ATP6V0D2: variants seen among roughly 807,000 people sequenced by gnomAD.
ATP6V0D2 encodes V-type proton ATPase subunit d 2.
In ATP6V0D2, 40 loss-of-function variants were observed where a neutral mutation model predicts 40.0. The observed-to-expected ratio is 1.00, with a 90% CI of 0.78 to 1.30. The LOEUF is 1.30. ATP6V0D2 is among the 50% of genes most tolerant of loss of function. The pLI is 0.00. For missense variants in ATP6V0D2, 470 were observed against 423.1 expected (o/e 1.11, Z -0.97); for synonymous variants, 179 against 156.3 (o/e 1.15, Z -1.08).
At chr8:86,124,962 C>A (rs1315258269) in intron 2 of ATP6V0D2, among the ~76,000 whole-genome samples, 2 of 152,140 alleles carry the variant, frequency 1.3e-5, no homozygotes, top group African/African-American at 4.8e-5. Context: ...GTATAATGTT[C>A]ACCTGTGTGA....
intron 2 of ATP6V0D2, among the ~76,000 whole-genome samples, chr8:86,115,835 CA>C (rs1370319778): frequency 6.6e-6 from 1 of 152,120 alleles, no homozygotes; most frequent in African/African-American, 2.4e-5. Flanking sequence ...AATAATATGT[CA>C]GTCAGAAAGA....
chr8:86,103,891 T>G (rs1042397026), intron 1 of ATP6V0D2, among the ~76,000 whole-genome samples: 1 of 152,132 alleles, frequency 6.6e-6, no homozygotes, highest in African/African-American at 2.4e-5. Flanking sequence ...AATGGCACAA[T>G]CTCGGCTCAC....
At chr8:86,102,113 G>A (rs2071893665) in intron 1 of ATP6V0D2, among the ~76,000 whole-genome samples, 1 of 152,156 alleles carries the variant, frequency 6.6e-6, no homozygotes, top group Admixed American at 6.6e-5. Flanking sequence ...ACAAAAATAT[G>A]CCATTGCCTC....
chr8:86,099,986 C>T (rs1000126912), intron 1 of ATP6V0D2, among the ~76,000 whole-genome samples: 17 of 151,702 alleles, frequency 1.1e-4, no homozygotes, highest in Non-Finnish European at 2.2e-4. Context: ...TATTCTATCA[C>T]ATTTCTCAGT....
chr8:86,136,820 C>T (rs1367930977), intron 2 of ATP6V0D2, among the ~76,000 whole-genome samples: 1 of 152,124 alleles, frequency 6.6e-6, no homozygotes, highest in Non-Finnish European at 1.5e-5. Flanking sequence ...AATTTTCATC[C>T]AGTAAAAAGG....
chr8:86,146,885 A>G (rs1031544686), intron 5 of ATP6V0D2, among the ~76,000 whole-genome samples: 2 of 152,126 alleles, frequency 1.3e-5, no homozygotes, highest in Non-Finnish European at 2.9e-5. Flanking sequence ...TATAGGTTCC[A>G]TGTATATTCT....
intron 2 of ATP6V0D2, among the ~76,000 whole-genome samples, chr8:86,126,262 A>ATATATATATATATATATT (rs1191399026): frequency 6.1e-5 from 8 of 131,334 alleles, no homozygotes; most frequent in African/African-American, 1.9e-4. Flanking sequence ...ATATATATAT[A>ATATATATATATATATATT]TCTTTTTGTA....
rs535120852 is a variant in ATP6V0D2, at chr8:86,107,591, G to A, written c.131-6118G>A. Among the ~76,000 whole-genome samples, 62 of 152,250 alleles carry A rather than the reference G, an allele frequency of 4.1e-4. No individual in the cohort carries two copies. The South Asian group carries it at 5.0e-3, about 12-fold the overall frequency. On this transcript the variant is annotated intron_variant, in intron 1 of 7. Transcript: ENST00000285393. ...AAAACCATTCTGGCAATGGTAAAACGCTCTACAAATTTTATAAAAGTTGTT... is the reference window on the plus strand; with the variant it reads ...AAAACCATTCTGGCAATGGTAAAACACTCTACAAATTTTATAAAAGTTGTT...
At position 86,150,135 on chromosome 8, in the gene ATP6V0D2, TA is replaced by T; in HGVS notation, c.664del (p.Ile222SerfsTer11). On this transcript the variant is annotated frameshift_variant, in exon 6 of 8. Transcript: ENST00000285393. LOFTEE classifies it high-confidence loss of function. The stretch of plus-strand genomic sequence containing the variant: ...AGTTTGAGGCCGACAGACGTGCTTT[TA>T]TCATCACTCTTAACTCCTTTGGCAC... The part of the protein sequence containing the change: ...LEFEADRRAF[I>X]ITLNSFGTEL... The T allele has an allele frequency of 6.2e-7, 1 of 1,612,964 alleles. No individual in the cohort carries two copies. The highest frequency in any genetic ancestry group is 8.5e-7 in the Non-Finnish European group (1 of 1,179,656).
chr8:86,140,757 C>T (rs1429442669), intron 3 of ATP6V0D2, among the ~76,000 whole-genome samples: 3 of 152,010 alleles, frequency 2.0e-5, no homozygotes, highest in South Asian at 2.1e-4. Context: ...GGACTGGTTT[C>T]GTGGAAGACA....
intron 2 of ATP6V0D2, among the ~76,000 whole-genome samples, chr8:86,124,901 A>G (rs956674599): frequency 6.6e-6 from 1 of 152,190 alleles, no homozygotes; most frequent in African/African-American, 2.4e-5. Flanking sequence ...ATATACCCAC[A>G]CATCCATACA....
chr8:86,115,677 T>C (rs1818583395), intron 2 of ATP6V0D2, among the ~76,000 whole-genome samples: 1 of 152,088 alleles, frequency 6.6e-6, no homozygotes, highest in Non-Finnish European at 1.5e-5. Flanking sequence ...GCCTCCATCA[T>C]ATATTCTTCC....
chr8:86,148,832 A>G (rs1819103704), intron 5 of ATP6V0D2, among the ~76,000 whole-genome samples: 1 of 151,902 alleles, frequency 6.6e-6, no homozygotes, highest in South Asian at 2.1e-4. Context: ...TAACCCTTAG[A>G]AGGCCCAGGA....
At chr8:86,150,314 A>T in intron 6 of ATP6V0D2, 26 bp downstream of exon 6, 1 of 1,604,192 alleles carries the variant, frequency 6.2e-7, no homozygotes, top group Non-Finnish European at 8.5e-7. Flanking sequence ...GGCTTCCCTA[A>T]GTCCTTTGTG....
chr8:86,105,617 T>TTTG (rs1818460322), intron 1 of ATP6V0D2, among the ~76,000 whole-genome samples: 1 of 55,622 alleles, frequency 1.8e-5, no homozygotes, highest in African/African-American at 5.9e-5. Context: ...TTCTTTTTTC[T>TTTG]TTTCTTTTTT....
chr8:86,138,153 G>T (rs1008452034), intron 2 of ATP6V0D2, among the ~76,000 whole-genome samples: 1 of 152,124 alleles, frequency 6.6e-6, no homozygotes, highest in Non-Finnish European at 1.5e-5. Flanking sequence ...GTATCCTTGT[G>T]TTCCCATCTC....
At chr8:86,115,372 T>TTTTTA (rs1182901569) in intron 2 of ATP6V0D2, among the ~76,000 whole-genome samples, 1 of 136,336 alleles carries the variant, frequency 7.3e-6, no homozygotes, top group East Asian at 2.1e-4. Context: ...TTTTTTTTTT[T>TTTTTA]TTTTTTTTTT....
chr8:86,149,508 G>A (rs919681794), intron 5 of ATP6V0D2, among the ~76,000 whole-genome samples: 2 of 152,120 alleles, frequency 1.3e-5, no homozygotes, highest in African/African-American at 4.8e-5. Context: ...CGAGAAAGAT[G>A]ATTTGCCCTA....
intron 2 of ATP6V0D2, among the ~76,000 whole-genome samples, chr8:86,130,593 T>A (rs1563561722): frequency 1.3e-5 from 2 of 151,856 alleles, no homozygotes; most frequent in Non-Finnish European, 2.9e-5. Context: ...GCCTGGGAGA[T>A]AGGGCAACCA....
Sources: gnomAD v4.1 joint callset for allele counts (sites outside exome capture counted in the v4.1 genomes callset) on GRCh38, gnomAD v4.1.1 for gene constraint, MANE v1.5 for transcripts, NCBI Gene and HGNC (gene_info 2026-07-23, HGNC 2026-07-21) for gene names.